The following LCOR variants were observed in gnomAD, a reference collection of about 807,000 sequenced individuals.
LCOR encodes ligand-dependent corepressor.
In LCOR, 14 loss-of-function variants were observed where a neutral mutation model predicts 64.4. The ratio of observed to expected loss-of-function variants is 0.22; its 90% CI spans 0.14 to 0.34. LCOR has a LOEUF of 0.34. Among genes scored for constraint, LCOR ranks in the 10% least tolerant of loss-of-function variants. The pLI is 1.00. For synonymous variants in LCOR, 643 were observed against 642.5 expected (o/e 1.00, Z -0.01); for missense variants, 1,686 against 1,765.3 (o/e 0.96, Z 0.80).
chr10:96,842,675 G>C (rs929831030), intron 2 of LCOR, among the ~76,000 whole-genome samples: 1 of 146,934 alleles, frequency 6.8e-6, no homozygotes, highest in Non-Finnish European at 1.5e-5. Flanking sequence ...CCGTCACCCA[G>C]GCTGGAGTGC....
At chr10:96,956,766 A>G (rs530751301) in intron 7 of LCOR, 4 of 985,734 alleles carry the variant, frequency 4.1e-6, no homozygotes, top group Non-Finnish European at 4.8e-6. Flanking sequence ...GTCAGGGTAC[A>G]TTACATAAAA....
chr10:96,851,571 T>C (rs1032867339), intron 2 of LCOR, among the ~76,000 whole-genome samples: 4 of 152,238 alleles, frequency 2.6e-5, no homozygotes, highest in African/African-American at 9.6e-5. Context: ...GGTGAAATCA[T>C]GTCAGTTTAT....
intron 2 of LCOR, among the ~76,000 whole-genome samples, chr10:96,900,911 C>T (rs1399252790): frequency 4.7e-5 from 7 of 149,698 alleles, no homozygotes; most frequent in Admixed American, 3.3e-4. Flanking sequence ...TGGGGTCGGC[C>T]GGGCGCAGTG....
chr10:96,837,292 G>A (rs1405594020), intron 2 of LCOR, among the ~76,000 whole-genome samples: 2 of 149,668 alleles, frequency 1.3e-5, no homozygotes, highest in African/African-American at 4.9e-5. Flanking sequence ...GTCCCTCTAT[G>A]TATGCCCAGG....
Position 96,835,091 on chromosome 10 carries a change from G to A in LCOR, c.-330+1612G>A, listed in dbSNP as rs191063482. ...AATTTTTGTACTTTTGGTAGAGACG[G>A]GGTTTCACCATATTGGCCAGGCTGG... On this transcript the variant is annotated intron_variant, in intron 2 of 7. Coordinates refer to ENST00000421806, the MANE Select transcript of LCOR (RefSeq NM_001346516.2). Among the ~76,000 whole-genome samples, 431 of 152,262 alleles carry A rather than the reference G, an allele frequency of 2.8e-3. 4 individuals are homozygous for A. Among genetic ancestry groups the A allele is most frequent in the African/African-American group, 1.0e-2 (415 of 41,560 alleles).
At chr10:96,945,139 C>A (rs1012889917) in intron 5 of LCOR, among the ~76,000 whole-genome samples, 1 of 152,170 alleles carries the variant, frequency 6.6e-6, no homozygotes, top group Non-Finnish European at 1.5e-5. Flanking sequence ...AATATTCTTA[C>A]TTAATCTTCA....
Position 96,982,398 on chromosome 10 carries a change from T to C in LCOR, c.1938T>C (p.Ser646=). 2 of 1,614,200 alleles carry C rather than the reference T, an allele frequency of 1.2e-6. No individual in the cohort carries two copies. The highest frequency in any genetic ancestry group is 2.2e-5 in the South Asian group (2 of 91,082). Reference sequence around the variant, plus strand: ...CTCCCACAGCAAGTGGGATGTCTTCTCCTGAACACAACCAACCACCAGTTG... The same window carrying C: ...CTCCCACAGCAAGTGGGATGTCTTCCCCTGAACACAACCAACCACCAGTTG... ...VSAPTASGMS[S]PEHNQPPVAL... is the part of the protein sequence containing the mutation. The change falls in exon 8 of 8, where the codon TCT becomes TCC. Residue 646 remains serine, a synonymous_variant. Coordinates refer to ENST00000421806, the MANE Select transcript of LCOR (RefSeq NM_001346516.2).
At chr10:96,951,642 C>A (rs549273655) in intron 6 of LCOR, among the ~76,000 whole-genome samples, 1 of 151,854 alleles carries the variant, frequency 6.6e-6, no homozygotes, top group East Asian at 1.9e-4. Flanking sequence ...TTAAAGTTTT[C>A]TATATCGAAT....
At chr10:96,868,120 G>T (rs533693533) in intron 2 of LCOR, among the ~76,000 whole-genome samples, 59 of 152,134 alleles carry the variant, frequency 3.9e-4, no homozygotes, top group African/African-American at 1.4e-3. Flanking sequence ...CCGACCTCAG[G>T]TGATCCACCC....
chr10:96,962,562 A>G (rs1268484111), intron 7 of LCOR: 1 of 152,178 alleles, frequency 6.6e-6, no homozygotes, highest in East Asian at 1.9e-4. Context: ...TTTAGTATGT[A>G]ATAGCAAAGT....
At chr10:96,864,422 A>C (rs1434691120) in intron 2 of LCOR, among the ~76,000 whole-genome samples, 2 of 152,142 alleles carry the variant, frequency 1.3e-5, no homozygotes, top group Non-Finnish European at 2.9e-5. Flanking sequence ...GTTGGATTGT[A>C]TTTTTATTCA....
intron 2 of LCOR, among the ~76,000 whole-genome samples, chr10:96,865,974 A>G (rs1387725185): frequency 6.6e-6 from 1 of 152,120 alleles, no homozygotes; most frequent in Non-Finnish European, 1.5e-5. Flanking sequence ...TGCCACAGTA[A>G]CTGATTCCTA....
At chr10:96,849,277 G>T (rs1484370941) in intron 2 of LCOR, among the ~76,000 whole-genome samples, 4 of 151,868 alleles carry the variant, frequency 2.6e-5, no homozygotes, top group Non-Finnish European at 4.4e-5. Flanking sequence ...GTTTCACTGT[G>T]TTAGCCAGGA....
chr10:96,927,284 C>T (rs6584105), intron 4 of LCOR, among the ~76,000 whole-genome samples: 7,752 of 152,032 alleles, frequency 0.051, 674 homozygotes, highest in African/African-American at 0.18. Flanking sequence ...AGCATCCTGT[C>T]CATCTATATA....
intron 4 of LCOR, among the ~76,000 whole-genome samples, chr10:96,934,069 G>A (rs537014224): frequency 1.3e-5 from 2 of 152,258 alleles, no homozygotes; most frequent in South Asian, 2.1e-4. Flanking sequence ...CAGCTTTGGC[G>A]AGACTTAATT....
rs1425141513 is a variant in LCOR at position 96,991,522 on chromosome 10, G to A, written c.*6388G>A. The stretch of plus-strand genomic sequence containing the variant: ...CCAAGAATAGTGCCTCTCCCTGAAA[G>A]TATGCGATGTGTTGGTTTTACCCCT... On this transcript the variant is annotated 3_prime_UTR_variant, in exon 8 of 8. Transcript: ENST00000421806. The A allele has an allele frequency of 6.6e-6, 1 of 152,202 alleles. No individual in the cohort carries two copies. Among genetic ancestry groups the A allele is most frequent in the Admixed American group, 6.5e-5 (1 of 15,278 alleles). The allele number at this position is 152,202 out of a possible 1,614,324, so 9.4% of individuals were successfully genotyped here.
At chr10:96,970,624 A>ATTTTATTTTATTTAT (rs1181172810) in intron 7 of LCOR, among the ~76,000 whole-genome samples, 78 of 129,332 alleles carry the variant, frequency 6.0e-4, no homozygotes, top group South Asian at 3.8e-3. Context: ...ATTTTATTTT[A>ATTTTATTTTATTTAT]TTTATTTTAT....
intron 7 of LCOR, among the ~76,000 whole-genome samples, chr10:96,966,846 C>T (rs955414033): frequency 1.4e-4 from 22 of 152,228 alleles, no homozygotes; most frequent in Non-Finnish European, 8.8e-5. Context: ...CGTGATCCTC[C>T]CACCTCAGCC....
chr10:96,991,996 A>T lies in LCOR; in HGVS notation c.*6862A>T, dbSNP rs140691224. On this transcript the variant is annotated 3_prime_UTR_variant, in exon 8 of 8. Transcript: ENST00000421806. ...CTATTCAATTTATCCACTTTTTTTTAAACCCCAGTTTTCTGTGATCTGCAC... is the reference window on the plus strand; with the variant it reads ...CTATTCAATTTATCCACTTTTTTTTTAACCCCAGTTTTCTGTGATCTGCAC... The T allele has an allele frequency of 2.7e-4, 41 of 152,236 alleles. No individual in the cohort carries two copies. The highest frequency in any genetic ancestry group is 8.9e-4 in the African/African-American group (37 of 41,532). The allele number at this position is 152,236 out of a possible 1,614,324, so 9.4% of individuals were successfully genotyped here.
Sources: gnomAD v4.1 joint callset for allele counts (sites outside exome capture counted in the v4.1 genomes callset) on GRCh38, gnomAD v4.1.1 for gene constraint, MANE v1.5 for transcripts, NCBI Gene and HGNC (gene_info 2026-07-23, HGNC 2026-07-21) for gene names.